SLC9C1: variants seen among roughly 807,000 people sequenced by gnomAD.
SLC9C1 encodes the protein solute carrier family 9 member C1, also known as sodium/hydrogen exchanger 10.
SLC9C1 carries 97 observed loss-of-function variants against 140.9 expected under a neutral mutation model. The ratio of observed to expected loss-of-function variants is 0.69; its 90% CI spans 0.58 to 0.82. SLC9C1 has a LOEUF of 0.82. SLC9C1 is among the 40% of genes least tolerant of loss of function. SLC9C1 has a pLI of 0.00. For missense variants in SLC9C1, 1,340 were observed against 1,389.3 expected, an observed-to-expected ratio of 0.96 and a Z score of 0.56; for synonymous variants, 440 against 442.6, an observed-to-expected ratio of 0.99 and a Z score of 0.07.
intron 13 of SLC9C1, among the ~76,000 whole-genome samples, chr3:112,225,155 A>G (rs2078649680): frequency 6.6e-6 from 1 of 152,176 alleles, no homozygotes; most frequent in African/African-American, 2.4e-5. Flanking sequence ...AGTCACATAT[A>G]AAGGAATCTC....
At position 112,286,782 on chromosome 3, in the gene SLC9C1, T is replaced by C. The variant is rs760319520; in HGVS notation, c.10A>G (p.Ile4Val). 1.1e-5 allele frequency: 18 copies of C among 1,611,416 alleles called. No homozygotes were observed. In the Admixed American group the frequency reaches 2.5e-4, roughly 23 times the overall value. Residue 4 changes from isoleucine to valine, a missense_variant, in exon 2 of 29, where the codon ATA (isoleucine) becomes GTA (valine). By Grantham distance (29) the Ile-to-Val change is conservative. Coordinates refer to ENST00000305815, the MANE Select transcript of SLC9C1 (RefSeq NM_183061.3). MAG[I>V]FKEFFFSTED... ...GTACTGAAAAAAAACTCCTTAAATA[T>C]TCCAGCCATGTTTCAGAAAAATTTT...
At chr3:112,194,318 G>C (rs1017075598) in intron 20 of SLC9C1, among the ~76,000 whole-genome samples, 2 of 152,286 alleles carry the variant, frequency 1.3e-5, no homozygotes, top group East Asian at 3.9e-4. Flanking sequence ...CAATATGCGT[G>C]GGGGAGATGG....
In SLC9C1 at chr3:112,202,771, AT is replaced by A. The variant is rs965663575; in HGVS notation, c.2173-373del. On this transcript the variant is annotated intron_variant, in intron 17 of 28. Transcript: ENST00000305815. ...GCCATTTTTGCATGCTAAATCTCCTATAACACCTCCTACTTGATGGTCTGGT... is the reference window on the plus strand; with the variant it reads ...GCCATTTTTGCATGCTAAATCTCCTAAACACCTCCTACTTGATGGTCTGGT... 8.4e-4 allele frequency among the ~76,000 whole-genome samples: 128 copies of A among 152,076 alleles called. 1 individual carries two copies. Among genetic ancestry groups the A allele is most frequent in the African/African-American group, 2.9e-3 (121 of 41,516 alleles).
chr3:112,141,493 A>C (rs969703040), intron 28 of SLC9C1, among the ~76,000 whole-genome samples: 2 of 152,024 alleles, frequency 1.3e-5, no homozygotes, highest in African/African-American at 4.8e-5. Flanking sequence ...TTAACCTAGG[A>C]GTCAGAGTCT....
chr3:112,252,383 G>C (rs1414942325), intron 10 of SLC9C1, among the ~76,000 whole-genome samples: 1 of 152,174 alleles, frequency 6.6e-6, no homozygotes, highest in African/African-American at 2.4e-5. Context: ...CAACCTCCCT[G>C]GGATGGGGCT....
chr3:112,168,965 T>C lies in SLC9C1; in HGVS notation c.3149A>G (p.Tyr1050Cys). 2 of 1,612,420 alleles carry C rather than the reference T, an allele frequency of 1.2e-6. No homozygotes were observed. Among genetic ancestry groups the C allele is most frequent in the Non-Finnish European group, 1.7e-6 (2 of 1,179,526 alleles). ...TACAGCTCCATGTATGAGGATAACA[T>C]AGATTAGATTTTCATCATAAATATC... The part of the protein sequence containing the change: ...KTDIYDENLI[Y>C]VILIHGAVED... The change falls in exon 25 of 29, where the codon TAT (tyrosine) becomes TGT (cysteine). Residue 1050 changes from tyrosine (Y) to cysteine (C), a missense_variant. Coordinates refer to ENST00000305815, the MANE Select transcript of SLC9C1 (RefSeq NM_183061.3).
At chr3:112,251,820 T>C (rs1484347846) in intron 10 of SLC9C1, among the ~76,000 whole-genome samples, 1 of 151,890 alleles carries the variant, frequency 6.6e-6, no homozygotes. Context: ...TCTGGGCAGG[T>C]GAGTGAATGA....
At chr3:112,222,971 A>G (rs979458231) in intron 13 of SLC9C1, among the ~76,000 whole-genome samples, 1 of 152,112 alleles carries the variant, frequency 6.6e-6, no homozygotes, top group Non-Finnish European at 1.5e-5. Context: ...ATTTTTTCCT[A>G]CAAAAGTAGA....
chr3:112,293,594 C>A (rs2080752691), intron 1 of SLC9C1, among the ~76,000 whole-genome samples: 1 of 152,120 alleles, frequency 6.6e-6, no homozygotes, highest in Non-Finnish European at 1.5e-5. Context: ...TATATTGATA[C>A]CAGAGGCTGG....
chr3:112,166,031 CAGTG>C (rs1432559208), intron 26 of SLC9C1, among the ~76,000 whole-genome samples: 1 of 143,698 alleles, frequency 7.0e-6, no homozygotes, highest in East Asian at 2.2e-4. Context: ...GCTGTGCTAG[CAGTG>C]AGTGAGGCTC....
At chr3:112,278,379 CAT>C (rs1248983310) in intron 4 of SLC9C1, among the ~76,000 whole-genome samples, 1 of 152,156 alleles carries the variant, frequency 6.6e-6, no homozygotes, top group Non-Finnish European at 1.5e-5. Context: ...AGCTCTAAAA[CAT>C]AGGTATTTAA....
intron 26 of SLC9C1, among the ~76,000 whole-genome samples, chr3:112,164,330 T>G (rs188567586): frequency 1.4e-5 from 2 of 146,876 alleles, no homozygotes; most frequent in African/African-American, 2.6e-5. Context: ...GTTAGCTGGT[T>G]ATTTTGCTCG....
chr3:112,182,462 G>A (rs536679682), intron 20 of SLC9C1, among the ~76,000 whole-genome samples: 1 of 151,952 alleles, frequency 6.6e-6, no homozygotes, highest in Non-Finnish European at 1.5e-5. Flanking sequence ...TTAGGTTCAG[G>A]TGATACATGT....
intron 6 of SLC9C1, among the ~76,000 whole-genome samples, chr3:112,271,409 A>ATATATATATATATATATC (rs1013241776): frequency 1.3e-5 from 2 of 149,244 alleles, no homozygotes; most frequent in Admixed American, 6.8e-5. Flanking sequence ...ATATATATAT[A>ATATATATATATATATATC]TCAAAGCCTC....
intron 12 of SLC9C1, 42 bp downstream of exon 12, chr3:112,239,797 TC>T (rs2079091761): frequency 6.6e-7 from 1 of 1,518,912 alleles, no homozygotes; most frequent in African/African-American, 1.4e-5. Context: ...TTCAGTATAA[TC>T]AAATCTGCAT....
intron 12 of SLC9C1, 84 bp from the exon 13 acceptor site, chr3:112,231,570 A>C: frequency 7.3e-7 from 1 of 1,367,046 alleles, no homozygotes; most frequent in South Asian, 1.3e-5. Flanking sequence ...TTTTTGTACC[A>C]GTTTGCATTG....
Position 112,269,943 on chromosome 3 carries a change from A to G in SLC9C1, c.748T>C (p.Ser250Pro). 6.3e-7 allele frequency: 1 copy of G among 1,575,894 alleles called. No homozygotes were observed. Among genetic ancestry groups the G allele is most frequent in the South Asian group, 1.2e-5 (1 of 82,498 alleles). ...DDVNHISLIF[S>P]ILYLIFYICE... ...ATATAAAAGATGAGATACAGAATTG[A>G]AAAGATGAGACTTATATGATTGACA... The change falls in exon 7 of 29, where the codon TCA becomes CCA. Residue 250 changes from serine to proline, a missense_variant. Physicochemically the swap from Ser to Pro is moderately conservative, Grantham distance 74. Transcript: ENST00000305815.
chr3:112,199,359 C>A lies in SLC9C1; in HGVS notation c.2485G>T (p.Gly829Ter). ...TEILKAFGLK[G>*]IISKTEGAGI... ...GCACCTTCAGTTTTACTAATAATTC[C>A]TTTTAAGCCAAAAGCCTTAAGAATT... The change falls in exon 20 of 29, where the codon GGA (glycine) becomes TGA (stop). Residue 829 changes from glycine to a stop codon, truncating the protein, a stop_gained. Coordinates refer to ENST00000305815, the MANE Select transcript of SLC9C1 (RefSeq NM_183061.3). LOFTEE classifies it high-confidence loss of function. The A allele has an allele frequency of 2.5e-6, 4 of 1,586,848 alleles. No homozygotes were observed. Among genetic ancestry groups the A allele is most frequent in the Non-Finnish European group, 2.6e-6 (3 of 1,169,142 alleles).
intron 14 of SLC9C1, among the ~76,000 whole-genome samples, chr3:112,219,328 C>CA (rs11373899): frequency 0.75 from 114,725 of 151,976 alleles, 43,711 homozygotes; most frequent in East Asian, 0.99. Flanking sequence ...AATATAAGCA[C>CA]ATCAATAGAA....
Sources: gnomAD v4.1 joint callset for allele counts (sites outside exome capture counted in the v4.1 genomes callset) on GRCh38, gnomAD v4.1.1 for gene constraint, MANE v1.5 for transcripts, NCBI Gene and HGNC (gene_info 2026-07-23, HGNC 2026-07-21) for gene names.